Variants in COX10 observed in about 807,000 individuals in gnomAD.
COX10 encodes protoheme IX farnesyltransferase, mitochondrial.
Under a neutral mutation model 37.3 loss-of-function variants are expected in COX10, and 27 were observed. The ratio of observed to expected loss-of-function variants is 0.72; its 90% CI spans 0.53 to 1.00. The LOEUF is 1.00. COX10 is among the 50% of genes least tolerant of loss of function. The pLI, the probability that COX10 is intolerant of heterozygous loss-of-function variation, is 0.00. For synonymous variants in COX10, 222 were observed against 229.1 expected, an observed-to-expected ratio of 0.97 and a Z score of 0.28; for missense variants, 475 against 563.2, an observed-to-expected ratio of 0.84 and a Z score of 1.59.
chr17:14,089,156 C>G (rs1406922376), intron 3 of COX10, among the ~76,000 whole-genome samples: 2 of 152,196 alleles, frequency 1.3e-5, no homozygotes, highest in African/African-American at 4.8e-5. Flanking sequence ...TCACTGGGCT[C>G]TCTCATTATT....
intron 4 of COX10, among the ~76,000 whole-genome samples, chr17:14,123,136 A>G (rs2142214129): frequency 6.6e-6 from 1 of 152,304 alleles, no homozygotes; most frequent in African/African-American, 2.4e-5. Flanking sequence ...GGTATATGGA[A>G]CAGGTTTCAC....
intron 4 of COX10, among the ~76,000 whole-genome samples, chr17:14,158,632 T>TA (rs1016544001): frequency 5.3e-5 from 8 of 152,124 alleles, no homozygotes; most frequent in Non-Finnish European, 1.0e-4. Flanking sequence ...ATCTGTTACT[T>TA]ACGTTTCTCT....
intron 4 of COX10, among the ~76,000 whole-genome samples, chr17:14,108,747 T>C (rs1915951572): frequency 6.6e-6 from 1 of 152,196 alleles, no homozygotes. Flanking sequence ...ATTTACATCT[T>C]TTTAAACTCT....
intron 4 of COX10, among the ~76,000 whole-genome samples, chr17:14,140,907 T>C (rs1227189673): frequency 6.6e-6 from 1 of 152,172 alleles, no homozygotes. Flanking sequence ...CACGTTATGA[T>C]AAATGATTAA....
At chr17:14,173,002 A>C (rs1245424813) in intron 5 of COX10, among the ~76,000 whole-genome samples, 1 of 152,110 alleles carries the variant, frequency 6.6e-6, no homozygotes, top group Non-Finnish European at 1.5e-5. Flanking sequence ...TTCTTTCAAA[A>C]AATGTCATGT....
At position 14,076,952 on chromosome 17, in the gene COX10, A is replaced by G; in HGVS notation, c.395A>G (p.Asp132Gly). 2 of 1,614,216 alleles carry G rather than the reference A, an allele frequency of 1.2e-6. No individual in the cohort carries two copies. The highest frequency in any genetic ancestry group is 1.6e-4 in the Middle Eastern group (1 of 6,062). The stretch of plus-strand genomic sequence containing the variant: ...GACTCAGTAATTGAAGACTCAATAG[A>G]TGTAGGGAAAGAGACAAAAGAGGAA... Reference protein sequence around the residue: ...EPDSVIEDSIDVGKETKEEKR... With the variant: ...EPDSVIEDSIGVGKETKEEKR... The change falls in exon 3 of 7, where the codon GAT becomes GGT. Residue 132 changes from aspartate to glycine, a missense_variant. Around this residue, in one of 5 missense-constraint regions of COX10, gnomAD observed 242 missense variants for 242.5 expected, o/e 1.00. Transcript: ENST00000261643.
intron 4 of COX10, among the ~76,000 whole-genome samples, chr17:14,116,709 G>A (rs1238927747): frequency 3.3e-5 from 5 of 152,136 alleles, no homozygotes; most frequent in African/African-American, 1.2e-4. Context: ...GGAATGATTA[G>A]AGGATGGCTG....
intron 5 of COX10, 51 bp downstream of exon 5, chr17:14,159,998 T>C (rs975868252): frequency 5.3e-6 from 8 of 1,496,038 alleles, no homozygotes; most frequent in Non-Finnish European, 7.4e-6. Flanking sequence ...TTCATTTGCT[T>C]GTTCATCTGA....
intron 5 of COX10, among the ~76,000 whole-genome samples, chr17:14,187,300 T>C (rs1022037983): frequency 1.2e-4 from 19 of 152,176 alleles, no homozygotes; most frequent in South Asian, 4.2e-4. Context: ...TATCCCAACA[T>C]GCTTTTTGAT....
At chr17:14,085,088 T>A (rs1217299914) in intron 3 of COX10, among the ~76,000 whole-genome samples, 1 of 152,212 alleles carries the variant, frequency 6.6e-6, no homozygotes, top group Admixed American at 6.5e-5. Context: ...TTTTATTGGC[T>A]TTGTGGTTAC....
chr17:14,171,656 G>A (rs1435418853), intron 5 of COX10, among the ~76,000 whole-genome samples: 2 of 151,368 alleles, frequency 1.3e-5, no homozygotes, highest in African/African-American at 2.4e-5. Context: ...TCTTGTTTCT[G>A]TTCCTTCCTC....
chr17:14,195,276 ATG>A (rs769787037), intron 6 of COX10, among the ~76,000 whole-genome samples: 1 of 152,214 alleles, frequency 6.6e-6, no homozygotes, highest in African/African-American at 2.4e-5. Flanking sequence ...ATCTAAGAGA[ATG>A]TATTTTTAAA....
intron 4 of COX10, among the ~76,000 whole-genome samples, chr17:14,104,455 A>G (rs986777432): frequency 2.6e-5 from 4 of 152,136 alleles, no homozygotes; most frequent in Non-Finnish European, 5.9e-5. Context: ...TGGGCAGCAT[A>G]TAAATAAAGA....
At chr17:14,196,603 AG>A (rs1906373734) in intron 6 of COX10, among the ~76,000 whole-genome samples, 1 of 152,210 alleles carries the variant, frequency 6.6e-6, no homozygotes, top group Non-Finnish European at 1.5e-5. Context: ...GCATAACAGC[AG>A]GGTCATACAT....
intron 5 of COX10, among the ~76,000 whole-genome samples, chr17:14,163,582 G>T (rs900989637): frequency 3.3e-5 from 5 of 152,132 alleles, no homozygotes; most frequent in Admixed American, 2.0e-4. Context: ...GAATGCTCAT[G>T]TCAGTTTATA....
chr17:14,152,612 G>A (rs192921803), intron 4 of COX10, among the ~76,000 whole-genome samples: 3 of 152,218 alleles, frequency 2.0e-5, no homozygotes, highest in Non-Finnish European at 4.4e-5. Context: ...ATCTAATTCT[G>A]GGCCTGACAA....
At chr17:14,152,858 G>A (rs865929964) in intron 4 of COX10, among the ~76,000 whole-genome samples, 18 of 152,280 alleles carry the variant, frequency 1.2e-4, no homozygotes, top group African/African-American at 4.1e-4. Context: ...TCGGGGATCA[G>A]CTGCAACCCA....
chr17:14,183,765 C>A (rs1354145706), intron 5 of COX10, among the ~76,000 whole-genome samples: 1 of 152,210 alleles, frequency 6.6e-6, no homozygotes, highest in Non-Finnish European at 1.5e-5. Context: ...TTAAATAGGT[C>A]CTTCCTATTT....
intron 3 of COX10, among the ~76,000 whole-genome samples, chr17:14,101,766 G>A (rs965912766): frequency 6.6e-6 from 1 of 152,136 alleles, no homozygotes; most frequent in Admixed American, 6.5e-5. Flanking sequence ...TCAAGAGCAA[G>A]AATAAGACCA....
Sources: gnomAD v4.1 joint callset for allele counts (sites outside exome capture counted in the v4.1 genomes callset) on GRCh38, gnomAD v4.1.1 for gene constraint, gnomAD v4.1.1 regional missense constraint, MANE v1.5 for transcripts, NCBI Gene and HGNC (gene_info 2026-07-23, HGNC 2026-07-21) for gene names.